LGSN: variants seen among roughly 807,000 people sequenced by gnomAD.
LGSN encodes the protein lengsin, lens protein with glutamine synthetase domain, also known as lengsin.
Under a neutral mutation model 19.5 loss-of-function variants are expected in LGSN, and 21 were observed. The ratio of observed to expected loss-of-function variants is 1.07; its 90% CI spans 0.76 to 1.55. The LOEUF (loss-of-function observed/expected upper bound fraction) is 1.55, where lower values mean the gene tolerates loss of function less well. Ranked by LOEUF, LGSN falls within the 40% of genes most tolerant of loss-of-function variation. The pLI is 0.00. For missense variants in LGSN, 673 were observed against 608.5 expected (o/e 1.11, Z -1.12); for synonymous variants, 257 against 215.6 (o/e 1.19, Z -1.68).
At chr6:63,316,612 T>A (rs1240306280) in intron 1 of LGSN, among the ~76,000 whole-genome samples, 3 of 152,132 alleles carry the variant, frequency 2.0e-5, no homozygotes, top group African/African-American at 7.2e-5. Flanking sequence ...ATTCTCCATA[T>A]TTTTTAGAGA....
chr6:63,484,485 C>G, the LGSN span, among the ~76,000 whole-genome samples: 1 of 152,028 alleles, frequency 6.6e-6, no homozygotes, highest in Non-Finnish European at 1.5e-5. Flanking sequence ...GATAGCGCCA[C>G]TACACTCCAG....
chr6:63,540,853 A>C, the LGSN span, among the ~76,000 whole-genome samples: 1 of 151,462 alleles, frequency 6.6e-6, no homozygotes, highest in Non-Finnish European at 1.5e-5. Flanking sequence ...AAAAAAAAAA[A>C]ATAGCCGGTC....
chr6:63,427,469 A>G, the LGSN span, among the ~76,000 whole-genome samples: 1 of 152,214 alleles, frequency 6.6e-6, no homozygotes, highest in Admixed American at 6.5e-5. Flanking sequence ...GAGGCAGATT[A>G]TAGGAGAAAA....
At chr6:63,373,326 G>T in the LGSN span, among the ~76,000 whole-genome samples, 1 of 152,190 alleles carries the variant, frequency 6.6e-6, no homozygotes, top group South Asian at 2.1e-4. Context: ...CAGTGTGGAG[G>T]AACCTGGTGA....
chr6:63,309,519 T>A (rs1768542148), intron 1 of LGSN, among the ~76,000 whole-genome samples: 1 of 152,236 alleles, frequency 6.6e-6, no homozygotes, highest in Non-Finnish European at 1.5e-5. Context: ...TTTTGAAGTG[T>A]CTTTTTAAAA....
the LGSN span, among the ~76,000 whole-genome samples, chr6:63,451,031 C>G: frequency 8.6e-5 from 13 of 151,816 alleles, no homozygotes; most frequent in African/African-American, 3.1e-4. Flanking sequence ...TTTTTTATGT[C>G]TAGTAATACT....
chr6:63,551,382 G>T, the LGSN span, among the ~76,000 whole-genome samples: 6 of 151,978 alleles, frequency 3.9e-5, no homozygotes, highest in South Asian at 2.1e-4. Flanking sequence ...GGTAATTTGG[G>T]CAACAACAAC....
intron 3 of LGSN, among the ~76,000 whole-genome samples, chr6:63,284,590 C>G (rs6934571): frequency 0.036 from 5,448 of 152,176 alleles, 329 homozygotes; most frequent in African/African-American, 0.12. Flanking sequence ...TTACATTGAG[C>G]TCTGGCAAGT....
the LGSN span, among the ~76,000 whole-genome samples, chr6:63,341,184 T>C: frequency 0.036 from 5,487 of 152,154 alleles, 337 homozygotes; most frequent in African/African-American, 0.13. Context: ...CATATAGGTA[T>C]CAGCAGAAGC....
At chr6:63,535,829 C>A in the LGSN span, among the ~76,000 whole-genome samples, 2 of 152,114 alleles carry the variant, frequency 1.3e-5, no homozygotes, top group Non-Finnish European at 2.9e-5. Flanking sequence ...AAGTCCAGCA[C>A]TTTTTTATTT....
At chr6:63,327,960 G>C in the LGSN span, among the ~76,000 whole-genome samples, 1 of 152,152 alleles carries the variant, frequency 6.6e-6, no homozygotes, top group Non-Finnish European at 1.5e-5. Context: ...TAACTTCCCT[G>C]TGGCATCCAG....
chr6:63,391,933 A>G, the LGSN span, among the ~76,000 whole-genome samples: 132 of 152,340 alleles, frequency 8.7e-4, 1 homozygote, highest in African/African-American at 3.1e-3. Context: ...CCTCTCCAGT[A>G]TAAGTCTTCT....
chr6:63,359,987 G>A, the LGSN span, among the ~76,000 whole-genome samples: 1 of 152,110 alleles, frequency 6.6e-6, no homozygotes, highest in Non-Finnish European at 1.5e-5. Flanking sequence ...GTTGAATATT[G>A]GCCCCCACTC....
At chr6:63,309,470 T>C (rs1768539572) in intron 1 of LGSN, among the ~76,000 whole-genome samples, 1 of 152,198 alleles carries the variant, frequency 6.6e-6, no homozygotes, top group African/African-American at 2.4e-5. Context: ...TTCCATCTTT[T>C]GTCACCTGGA....
At chr6:63,344,621 T>G in the LGSN span, among the ~76,000 whole-genome samples, 4 of 152,158 alleles carry the variant, frequency 2.6e-5, no homozygotes, top group Non-Finnish European at 5.9e-5. Context: ...GGAGAGATTC[T>G]TCAGAATGGT....
In LGSN at chr6:63,280,756, C is replaced by A; in HGVS notation, c.795G>T (p.Gln265His). ...ESFSSSTRPG[Q>H]MEISFLPEFG... ...ATTCAGGCAGGAAAGAGATTTCCAT[C>A]TGACCAGGCCTGGTAGAGGAGGAAA... The change falls in exon 4 of 4, where the codon CAG becomes CAT. Residue 265 changes from glutamine (Q) to histidine (H), a missense_variant. Coordinates refer to ENST00000370657, the MANE Select transcript of LGSN (RefSeq NM_016571.3). The A allele has an allele frequency of 6.2e-7, 1 of 1,614,122 alleles. No individual in the cohort carries two copies. The highest frequency in any genetic ancestry group is 8.5e-7 in the Non-Finnish European group (1 of 1,180,014).
the LGSN span, among the ~76,000 whole-genome samples, chr6:63,433,570 A>G: frequency 1.3e-5 from 2 of 152,234 alleles, no homozygotes; most frequent in African/African-American, 4.8e-5. Context: ...AATGTGTCTC[A>G]TAACTAGAAG....
At chr6:63,536,274 G>A in the LGSN span, among the ~76,000 whole-genome samples, 1 of 152,214 alleles carries the variant, frequency 6.6e-6, no homozygotes, top group East Asian at 1.9e-4. Flanking sequence ...AGGTTGCAGT[G>A]AGCTGAAATC....
At chr6:63,353,352 G>A in the LGSN span, among the ~76,000 whole-genome samples, 4 of 152,040 alleles carry the variant, frequency 2.6e-5, no homozygotes, top group East Asian at 5.8e-4. Flanking sequence ...GTACCTAACA[G>A]GGTCTCCTGT....
Sources: gnomAD v4.1 joint callset for allele counts (sites outside exome capture counted in the v4.1 genomes callset) on GRCh38, gnomAD v4.1.1 for gene constraint, MANE v1.5 for transcripts, NCBI Gene and HGNC (gene_info 2026-07-23, HGNC 2026-07-21) for gene names.